NRXN3: variants seen among roughly 807,000 people sequenced by gnomAD.
NRXN3 encodes the protein neurexin III.
A neutral mutation model predicts 137.6 loss-of-function variants in NRXN3; 32 were observed. The ratio of observed to expected loss-of-function variants is 0.23; its 90% CI spans 0.18 to 0.31. The LOEUF (loss-of-function observed/expected upper bound fraction) is 0.31. NRXN3 is among the 10% of genes least tolerant of loss of function. NRXN3 has a pLI of 1.00. For missense variants in NRXN3, 1,574 were observed against 2,062.5 expected (o/e 0.76, Z 4.59); for synonymous variants, 798 against 784.5 (o/e 1.02, Z -0.29).
rs181547299 is a variant in NRXN3, at chr14:78,966,015, A to G, written c.2396-10A>G. The G allele has an allele frequency of 1.2e-6, 2 of 1,608,692 alleles. No homozygotes were observed. Among genetic ancestry groups the G allele is most frequent in the African/African-American group, 2.7e-5 (2 of 74,720 alleles). On this transcript the variant is annotated splice_polypyrimidine_tract_variant and intron_variant, in intron 11 of 20. Transcript: ENST00000335750. Reference sequence around the variant, plus strand: ...CTTTTCTGTTTGTACCTCATTTACAATTTTCACAGGTACAATGGTGGGAGA... The same window carrying G: ...CTTTTCTGTTTGTACCTCATTTACAGTTTTCACAGGTACAATGGTGGGAGA...
At chr14:78,415,419 G>A (rs1032774618) in intron 4 of NRXN3, among the ~76,000 whole-genome samples, 1 of 152,170 alleles carries the variant, frequency 6.6e-6, no homozygotes. Context: ...TTTCCCATGA[G>A]TTGAGGGGTT....
At chr14:79,317,531 A>G (rs1374918039) in intron 15 of NRXN3, among the ~76,000 whole-genome samples, 4 of 152,050 alleles carry the variant, frequency 2.6e-5, no homozygotes, top group East Asian at 1.9e-4. Context: ...ATCTGTAGTG[A>G]CCCTATTTCC....
At chr14:79,338,779 G>A (rs575432111) in intron 15 of NRXN3, among the ~76,000 whole-genome samples, 10 of 152,138 alleles carry the variant, frequency 6.6e-5, no homozygotes, top group African/African-American at 2.4e-4. Context: ...GACTTCCAAG[G>A]ACTAAAACTT....
intron 15 of NRXN3, among the ~76,000 whole-genome samples, chr14:79,373,461 G>A (rs751725284): frequency 1.3e-5 from 2 of 152,140 alleles, no homozygotes; most frequent in Admixed American, 6.5e-5. Flanking sequence ...AAATGAAAAC[G>A]TGGCAATAAA....
At chr14:78,638,626 T>C (rs2097586323) in intron 4 of NRXN3, among the ~76,000 whole-genome samples, 1 of 151,478 alleles carries the variant, frequency 6.6e-6, no homozygotes, top group East Asian at 1.9e-4. Context: ...TATGATCATC[T>C]CACAGCTCAG....
intron 19 of NRXN3, among the ~76,000 whole-genome samples, chr14:79,719,325 GTGTATATATA>G (rs1355627824): frequency 7.3e-6 from 1 of 136,346 alleles, no homozygotes; most frequent in Non-Finnish European, 1.6e-5. Context: ...ATACACGCGT[GTGTATATATA>G]TGTATATATA....
At chr14:79,602,171 C>T (rs962081811) in intron 16 of NRXN3, among the ~76,000 whole-genome samples, 3 of 152,310 alleles carry the variant, frequency 2.0e-5, no homozygotes, top group Non-Finnish European at 2.9e-5. Context: ...TCTTCACAAG[C>T]CCTGTGTCAT....
chr14:79,811,336 A>G (rs1463644679), intron 20 of NRXN3, among the ~76,000 whole-genome samples: 2 of 152,180 alleles, frequency 1.3e-5, no homozygotes, highest in Non-Finnish European at 2.9e-5. Context: ...TTAATTCATT[A>G]TTATTGGCTG....
intron 16 of NRXN3, among the ~76,000 whole-genome samples, chr14:79,619,347 T>G (rs1052331075): frequency 1.3e-5 from 2 of 152,116 alleles, no homozygotes; most frequent in African/African-American, 2.4e-5. Flanking sequence ...GGTCTCACAT[T>G]TAAGTTTTCA....
At chr14:78,919,804 T>C (rs2099266149) in intron 10 of NRXN3, among the ~76,000 whole-genome samples, 3 of 152,202 alleles carry the variant, frequency 2.0e-5, no homozygotes, top group Admixed American at 2.0e-4. Flanking sequence ...TTTTAATCAA[T>C]TGACATTACA....
chr14:79,422,547 T>G (rs893436526), intron 15 of NRXN3, among the ~76,000 whole-genome samples: 2 of 152,150 alleles, frequency 1.3e-5, no homozygotes, highest in Non-Finnish European at 2.9e-5. Flanking sequence ...CCTCTCACAT[T>G]AGTGCTGTAG....
intron 19 of NRXN3, among the ~76,000 whole-genome samples, chr14:79,782,510 C>T (rs1430366513): frequency 6.6e-6 from 1 of 152,144 alleles, no homozygotes; most frequent in Non-Finnish European, 1.5e-5. Flanking sequence ...CAATTTCACC[C>T]ATTGGATGGG....
At chr14:78,369,974 A>G (rs74980714) in intron 4 of NRXN3, among the ~76,000 whole-genome samples, 12 of 151,364 alleles carry the variant, frequency 7.9e-5, no homozygotes, top group Non-Finnish European at 1.6e-4. Context: ...TGTCTGCTCA[A>G]GTTAAATATA....
chr14:78,314,991 CTCTTTCTT>C (rs10551573), intron 4 of NRXN3, among the ~76,000 whole-genome samples: 2 of 68,232 alleles, frequency 2.9e-5, no homozygotes, highest in Non-Finnish European at 5.7e-5. Flanking sequence ...TCCTTCCTTT[CTCTTTCTT>C]TCTTTCTTTC....
chr14:78,588,911 C>G (rs1419114237), intron 4 of NRXN3, among the ~76,000 whole-genome samples: 1 of 152,172 alleles, frequency 6.6e-6, no homozygotes, highest in East Asian at 1.9e-4. Context: ...TGATATTCAC[C>G]ATAGAAAATG....
intron 20 of NRXN3, among the ~76,000 whole-genome samples, chr14:79,859,013 G>T (rs1290705695): frequency 6.7e-6 from 1 of 149,304 alleles, no homozygotes; most frequent in Admixed American, 6.7e-5. Context: ...GGTGTCTGCT[G>T]GTCTAGTACA....
At chr14:78,732,737 A>G (rs184517863) in intron 8 of NRXN3, among the ~76,000 whole-genome samples, 1 of 152,280 alleles carries the variant, frequency 6.6e-6, no homozygotes, top group Admixed American at 6.5e-5. Context: ...CCTGAGACCT[A>G]AAAGGGCCAG....
At position 78,383,198 on chromosome 14, in the gene NRXN3, G is replaced by A. The variant is rs150418709; in HGVS notation, c.757+85338G>A. 2.9e-4 allele frequency among the ~76,000 whole-genome samples: 44 copies of A among 152,220 alleles called. 1 individual carries two copies. Among genetic ancestry groups the A allele is most frequent in the African/African-American group, 9.2e-4 (38 of 41,530 alleles). On this transcript the variant is annotated intron_variant, in intron 4 of 20. Transcript: ENST00000335750. ...AGACATCTGTGCTTGGAGTGAACTCGGAATGACTGGAGGCCACTTTTGGCA... is the reference window on the plus strand; with the variant it reads ...AGACATCTGTGCTTGGAGTGAACTCAGAATGACTGGAGGCCACTTTTGGCA...
intron 4 of NRXN3, among the ~76,000 whole-genome samples, chr14:78,562,089 T>A (rs755131877): frequency 8.5e-5 from 13 of 152,072 alleles, no homozygotes; most frequent in Non-Finnish European, 1.9e-4. Context: ...CTTCGATCAA[T>A]AAAATATGGT....
Sources: gnomAD v4.1 joint callset for allele counts (sites outside exome capture counted in the v4.1 genomes callset) on GRCh38, gnomAD v4.1.1 for gene constraint, MANE v1.5 for transcripts, NCBI Gene and HGNC (gene_info 2026-07-23, HGNC 2026-07-21) for gene names.